FYN: variants seen among roughly 807,000 people sequenced by gnomAD.
FYN encodes the protein FYN proto-oncogene, Src family tyrosine kinase.
Under a neutral mutation model 70.2 loss-of-function variants are expected in FYN, and 10 were observed. That is an observed-to-expected ratio of 0.14 (90% confidence interval 0.09 to 0.24). The LOEUF is 0.24. FYN is among the 10% of genes least tolerant of loss of function. FYN has a pLI of 1.00. For synonymous variants in FYN, 236 were observed against 248.6 expected (o/e 0.95, Z 0.48); for missense variants, 319 against 673.1 (o/e 0.47, Z 5.82).
At chr6:111,842,375 C>T (rs1469205597) in intron 2 of FYN, among the ~76,000 whole-genome samples, 1 of 152,166 alleles carries the variant, frequency 6.6e-6, no homozygotes, top group Non-Finnish European at 1.5e-5. Flanking sequence ...CCCTGCAACC[C>T]GCCCATGCCC....
At chr6:111,854,768 G>A (rs1192708674) in intron 1 of FYN, among the ~76,000 whole-genome samples, 1 of 152,192 alleles carries the variant, frequency 6.6e-6, no homozygotes, top group Non-Finnish European at 1.5e-5. Context: ...GAAAGCAGAT[G>A]ATGAACATAA....
rs1256600225 is a variant in FYN, at chr6:111,873,261, CACA to C, written c.-419_-417del. 1 of 150,082 alleles carries C rather than the reference CACA, an allele frequency of 6.7e-6. No homozygotes were observed. Among genetic ancestry groups the C allele is most frequent in the Non-Finnish European group, 1.5e-5 (1 of 67,256 alleles). 9.3% of individuals were successfully genotyped at this position (150,082 alleles called of 1,614,324 possible). A position where few individuals can be genotyped will look rare whatever the true frequency, so the allele number is the denominator to read the frequency against. On this transcript the variant is annotated 5_prime_UTR_variant, in exon 1 of 14. Transcript: ENST00000354650. ...CGGGCGGGAGAGGACGCGCCGCTCG[CACA>C]ACAACCTCGCCTCTACTCTCGCCGC...
chr6:111,863,190 G>C (rs1774013901), intron 1 of FYN, among the ~76,000 whole-genome samples: 1 of 152,194 alleles, frequency 6.6e-6, no homozygotes, highest in African/African-American at 2.4e-5. Flanking sequence ...AAATATGAGA[G>C]TGAAGCCAAA....
At position 111,832,268 on chromosome 6, in the gene FYN, T is replaced by C. The variant is rs527568875; in HGVS notation, c.-82+14321A>G. Among the ~76,000 whole-genome samples, 74 of 152,304 alleles carry C rather than the reference T, an allele frequency of 4.9e-4. 1 individual carries two copies. The South Asian group carries it at 6.8e-3, about 14-fold the overall frequency. On this transcript the variant is annotated intron_variant, in intron 2 of 13. Transcript: ENST00000354650. ...GAAGGACTGGATTGTGTTAAATTCATTCCTAGATATTTCATATTTTTCTGT... is the reference window on the plus strand; with the variant it reads ...GAAGGACTGGATTGTGTTAAATTCACTCCTAGATATTTCATATTTTTCTGT...
Position 111,871,457 on chromosome 6 carries a change from A to C in FYN, c.-123+1511T>G, listed in dbSNP as rs147284100. Among the ~76,000 whole-genome samples, 72 of 152,370 alleles carry C rather than the reference A, an allele frequency of 4.7e-4. No homozygotes were observed. The East Asian group carries it at 0.013, about 28-fold the overall frequency. ...AGGCGTCCCAAGACTACCTTGAAGCAGGCAAGAGGCAGTCTGCAGTGGTCT... is the reference window on the plus strand; with the variant it reads ...AGGCGTCCCAAGACTACCTTGAAGCCGGCAAGAGGCAGTCTGCAGTGGTCT... On this transcript the variant is annotated intron_variant, in intron 1 of 13. Transcript: ENST00000354650.
chr6:111,791,957 C>T lies in FYN; in HGVS notation c.-81-11322G>A, dbSNP rs368479432. Among the ~76,000 whole-genome samples, 24 of 152,188 alleles carry T rather than the reference C, an allele frequency of 1.6e-4. No homozygotes were observed. In the South Asian group the frequency reaches 5.0e-3, roughly 32 times the overall value. On this transcript the variant is annotated intron_variant, in intron 2 of 13. Coordinates refer to ENST00000354650, the MANE Select transcript of FYN (RefSeq NM_002037.5). ...CTCTTAGAAGAAAACATAGAGAACA[C>T]CTTCATACCTTGTAATAGGTAAAGA...
chr6:111,838,492 C>T (rs1193402896), intron 2 of FYN, among the ~76,000 whole-genome samples: 1 of 152,204 alleles, frequency 6.6e-6, no homozygotes, highest in Non-Finnish European at 1.5e-5. Flanking sequence ...GACTGAATGG[C>T]CATACCCAAA....
At chr6:111,684,809 C>T (rs986058663) in intron 12 of FYN, among the ~76,000 whole-genome samples, 6 of 152,110 alleles carry the variant, frequency 3.9e-5, no homozygotes, top group African/African-American at 7.2e-5. Context: ...TGAGAACCAT[C>T]GAAGGGACTT....
chr6:111,796,409 G>A (rs1031347750), intron 2 of FYN, among the ~76,000 whole-genome samples: 3 of 152,256 alleles, frequency 2.0e-5, no homozygotes, highest in East Asian at 1.9e-4. Context: ...ATGCTGTTCA[G>A]GTTTGTAACC....
intron 4 of FYN, among the ~76,000 whole-genome samples, chr6:111,716,597 TCTAA>T (rs759285140): frequency 6.6e-6 from 1 of 151,964 alleles, no homozygotes; most frequent in African/African-American, 2.4e-5. Context: ...GCCAGAAATG[TCTAA>T]CTAAGTGCCA....
chr6:111,666,794 C>T (rs1330017565), intron 13 of FYN, among the ~76,000 whole-genome samples: 1 of 152,190 alleles, frequency 6.6e-6, no homozygotes, highest in Non-Finnish European at 1.5e-5. Context: ...AATGGTGCCA[C>T]TGCACTCCAG....
At chr6:111,846,770 C>CA (rs1773541976) in intron 1 of FYN, 141 bp from the exon 2 acceptor site, 2 of 396,488 alleles carry the variant, frequency 5.0e-6, no homozygotes, top group Admixed American at 4.4e-5. Context: ...ATCATTCACA[C>CA]AATTGTTGCT....
At chr6:111,872,149 T>G (rs1354805975) in intron 1 of FYN, among the ~76,000 whole-genome samples, 1 of 152,074 alleles carries the variant, frequency 6.6e-6, no homozygotes, top group African/African-American at 2.4e-5. Flanking sequence ...TTATTATCCC[T>G]CTTCCCAGTG....
chr6:111,777,357 C>CTTTTTTTTTTTTTTTTTTTTTTTTTTTT (rs1562517057), intron 3 of FYN, among the ~76,000 whole-genome samples: 11 of 152,180 alleles, frequency 7.2e-5, no homozygotes, highest in African/African-American at 2.7e-4. Context: ...AAGATATTTC[C>CTTTTTTTTTTTTTTTTTTTTTTTTTTTT]ATTTTTAAAC....
At chr6:111,861,020 T>G (rs533572838) in intron 1 of FYN, among the ~76,000 whole-genome samples, 3 of 152,152 alleles carry the variant, frequency 2.0e-5, no homozygotes, top group Non-Finnish European at 4.4e-5. Context: ...ATCTAAAACA[T>G]GCAACCAAAA....
chr6:111,671,850 C>T (rs1798288267), intron 13 of FYN, among the ~76,000 whole-genome samples: 1 of 152,166 alleles, frequency 6.6e-6, no homozygotes, highest in South Asian at 2.1e-4. Flanking sequence ...GGTAATAATC[C>T]TATAATTGGA....
At position 111,696,299 on chromosome 6, in the gene FYN, G is replaced by T. The variant is rs143164429; in HGVS notation, c.1020C>A (p.Ile340=). 3.5e-5 allele frequency: 57 copies of T among 1,610,502 alleles called. No individual in the cohort carries two copies. Among genetic ancestry groups the T allele is most frequent in the Non-Finnish European group, 4.6e-5 (54 of 1,178,480 alleles). The change falls in exon 10 of 14, where the codon ATC becomes ATA. Residue 340 remains isoleucine (I), a synonymous_variant. Transcript: ENST00000354650. ...YAVVSEEPIY[I]VTEYMNKGSL... is the part of the protein sequence containing the mutation. ...AACCTTTGTTCATATACTCGGTGAC[G>T]ATGTAGATGGGCTCCTCAGACACCA...
In FYN at chr6:111,857,939, G is replaced by A. The variant is rs189662270; in HGVS notation, c.-122-11310C>T. ...TCCTTTGTCATTGGGTGCTGGCCTGGTTTGGCTGATGTAGCTGGTCAATAC... is the reference window on the plus strand; with the variant it reads ...TCCTTTGTCATTGGGTGCTGGCCTGATTTGGCTGATGTAGCTGGTCAATAC... On this transcript the variant is annotated intron_variant, in intron 1 of 13. Transcript: ENST00000354650. Among the ~76,000 whole-genome samples the A allele has an allele frequency of 3.3e-5, 5 of 152,280 alleles. No individual in the cohort carries two copies. In the East Asian group the frequency reaches 5.8e-4, roughly 18 times the overall value.
intron 3 of FYN, among the ~76,000 whole-genome samples, chr6:111,771,564 A>C (rs1349553618): frequency 6.6e-6 from 1 of 152,180 alleles, no homozygotes; most frequent in Non-Finnish European, 1.5e-5. Context: ...CAAGCATATT[A>C]ATTTCTGTGT....
Sources: gnomAD v4.1 joint callset for allele counts (sites outside exome capture counted in the v4.1 genomes callset) on GRCh38, gnomAD v4.1.1 for gene constraint, MANE v1.5 for transcripts, NCBI Gene and HGNC (gene_info 2026-07-23, HGNC 2026-07-21) for gene names.